Variants in TBC1D1 observed in about 807,000 individuals in gnomAD.
The protein encoded by TBC1D1 is TBC1 (tre-2/USP6, BUB2, cdc16) domain family, member 1.
In TBC1D1, 89 loss-of-function variants were observed where a neutral mutation model predicts 125.6. The observed-to-expected ratio is 0.71, with a 90% CI of 0.60 to 0.85. TBC1D1 has a LOEUF of 0.85. Among genes scored for constraint, TBC1D1 ranks in the 40% least tolerant of loss-of-function variants. TBC1D1 has a pLI of 0.00. For missense variants in TBC1D1, 1,377 were observed against 1,469.2 expected (o/e 0.94, Z 1.03); for synonymous variants, 565 against 564.1 (o/e 1.00, Z -0.02).
rs1474075027 is a variant in TBC1D1 at position 38,082,217 on chromosome 4, G to GCGGGGTGGCGAAGGTCGC, written c.2051-7713_2051-7696dup. On this transcript the variant is annotated intron_variant, in intron 12 of 19. Coordinates refer to ENST00000261439, the MANE Select transcript of TBC1D1 (RefSeq NM_015173.4). ...TACTGAAGAAAGAAGGAAAATAAGG[G>GCGGGGTGGCGAAGGTCGC]CGGGGTGGCGAAGGTCGCCACTGTG... Among the ~76,000 whole-genome samples, 5 of 152,154 alleles carry GCGGGGTGGCGAAGGTCGC rather than the reference G, an allele frequency of 3.3e-5. No homozygotes were observed. The East Asian group carries it at 9.7e-4, about 29-fold the overall frequency.
intron 2 of TBC1D1, among the ~76,000 whole-genome samples, chr4:38,000,517 A>C (rs78011219): frequency 2.4e-3 from 368 of 152,292 alleles, no homozygotes; most frequent in Non-Finnish European, 4.0e-3. Flanking sequence ...GGTGCTCAAA[A>C]GTTTCCAATT....
chr4:37,993,389 C>A (rs1343946746), intron 2 of TBC1D1, among the ~76,000 whole-genome samples: 1 of 152,050 alleles, frequency 6.6e-6, no homozygotes, highest in Non-Finnish European at 1.5e-5. Context: ...TTTTTTTCCT[C>A]TTGTAACTAA....
chr4:37,917,947 C>G (rs1720081110), intron 2 of TBC1D1, among the ~76,000 whole-genome samples: 1 of 152,122 alleles, frequency 6.6e-6, no homozygotes, highest in Admixed American at 6.6e-5. Context: ...ATAGACGAAG[C>G]TATTTTGAAG....
intron 2 of TBC1D1, among the ~76,000 whole-genome samples, chr4:38,006,473 T>A (rs1388276855): frequency 9.8e-6 from 1 of 101,680 alleles, no homozygotes; most frequent in African/African-American, 4.2e-5. Flanking sequence ...GGACCAACAC[T>A]ATTTTTTTTT....
intron 7 of TBC1D1, among the ~76,000 whole-genome samples, chr4:38,033,052 G>T (rs888702350): frequency 1.3e-5 from 2 of 152,112 alleles, no homozygotes; most frequent in Admixed American, 6.5e-5. Context: ...GCTCCATGAC[G>T]CAGTCTCTGA....
intron 6 of TBC1D1, among the ~76,000 whole-genome samples, chr4:38,027,008 A>G (rs937374636): frequency 1.3e-5 from 2 of 152,182 alleles, no homozygotes; most frequent in Non-Finnish European, 2.9e-5. Context: ...GTTTTTTCCT[A>G]AGAAAAAGTT....
At chr4:38,038,592 T>C (rs1747667236) in intron 8 of TBC1D1, among the ~76,000 whole-genome samples, 1 of 152,194 alleles carries the variant, frequency 6.6e-6, no homozygotes, top group African/African-American at 2.4e-5. Context: ...AAGTGTACCA[T>C]TTGTTGAGTT....
chr4:37,949,255 G>T (rs1190755155), intron 2 of TBC1D1, among the ~76,000 whole-genome samples: 1 of 152,198 alleles, frequency 6.6e-6, no homozygotes, highest in African/African-American at 2.4e-5. Flanking sequence ...GTGCAGTAAA[G>T]AACTTAGACT....
chr4:38,048,480 A>T (rs35617233), intron 10 of TBC1D1, among the ~76,000 whole-genome samples: 18,444 of 151,546 alleles, frequency 0.12, 1,231 homozygotes, highest in East Asian at 0.17. Flanking sequence ...TATGTTGGGA[A>T]TTTTTTCCTA....
At chr4:38,065,120 T>C (rs1753471365) in intron 12 of TBC1D1, among the ~76,000 whole-genome samples, 1 of 152,128 alleles carries the variant, frequency 6.6e-6, no homozygotes, top group Non-Finnish European at 1.5e-5. Context: ...TATTTTTTAA[T>C]AGAGACGGAG....
At chr4:38,079,114 G>T (rs1034137041) in intron 12 of TBC1D1, among the ~76,000 whole-genome samples, 3 of 152,140 alleles carry the variant, frequency 2.0e-5, no homozygotes, top group Non-Finnish European at 4.4e-5. Context: ...CGGTGGAGGG[G>T]TTGAAAGCTG....
chr4:38,082,384 A>G (rs1314948861), intron 12 of TBC1D1, among the ~76,000 whole-genome samples: 3 of 152,146 alleles, frequency 2.0e-5, no homozygotes, highest in Non-Finnish European at 2.9e-5. Flanking sequence ...TACAAGAACC[A>G]CAGTTGAAAA....
At chr4:38,103,781 T>C (rs1406229544) in intron 15 of TBC1D1, among the ~76,000 whole-genome samples, 1 of 152,138 alleles carries the variant, frequency 6.6e-6, no homozygotes, top group Non-Finnish European at 1.5e-5. Context: ...TAAACAATAA[T>C]ATAGATTTTA....
chr4:38,058,716 A>G (rs965313359), intron 12 of TBC1D1, among the ~76,000 whole-genome samples: 2 of 152,232 alleles, frequency 1.3e-5, no homozygotes, highest in Non-Finnish European at 2.9e-5. Context: ...CATCCATGTC[A>G]TCCCACTTGG....
intron 2 of TBC1D1, among the ~76,000 whole-genome samples, chr4:37,920,840 G>C (rs1187510420): frequency 2.0e-5 from 3 of 152,144 alleles, no homozygotes; most frequent in Non-Finnish European, 4.4e-5. Context: ...GCCGGGCGCG[G>C]TGGCTCACGC....
At chr4:38,087,566 A>T (rs891516753) in intron 12 of TBC1D1, among the ~76,000 whole-genome samples, 3 of 152,052 alleles carry the variant, frequency 2.0e-5, no homozygotes, top group Non-Finnish European at 4.4e-5. Flanking sequence ...AGTCAGCTGG[A>T]CATGGTGGCT....
intron 2 of TBC1D1, among the ~76,000 whole-genome samples, chr4:37,964,963 A>C (rs1036855412): frequency 2.6e-5 from 4 of 152,202 alleles, no homozygotes; most frequent in Admixed American, 6.5e-5. Flanking sequence ...CAGCTCCCTG[A>C]AATCTTAGAG....
chr4:37,947,570 C>G (rs1456456405), intron 2 of TBC1D1, among the ~76,000 whole-genome samples: 1 of 152,180 alleles, frequency 6.6e-6, no homozygotes, highest in Non-Finnish European at 1.5e-5. Context: ...AAGCAATCCT[C>G]CTGTCCCAAC....
chr4:37,936,583 C>G (rs1354217129), intron 2 of TBC1D1, among the ~76,000 whole-genome samples: 1 of 152,096 alleles, frequency 6.6e-6, no homozygotes, highest in African/African-American at 2.4e-5. Context: ...GACATGACCT[C>G]AAAAGCAAGG....
Sources: allele counts gnomAD v4.1 joint callset (sites outside exome capture counted in the v4.1 genomes callset), GRCh38; gene constraint gnomAD v4.1.1; transcripts MANE v1.5; gene names NCBI Gene and HGNC (gene_info 2026-07-23, HGNC 2026-07-21).